The following FAM120B variants were observed in gnomAD, a reference collection of about 807,000 sequenced individuals.
FAM120B encodes the protein family with sequence similarity 120 member B, also known as constitutive coactivator of peroxisome proliferator-activated receptor gamma.
FAM120B carries 83 observed loss-of-function variants against 96.3 expected under a neutral mutation model. The observed-to-expected ratio is 0.86, with a 90% CI of 0.72 to 1.03. FAM120B has a LOEUF of 1.03. Ranked by LOEUF, FAM120B falls within the 50% of genes least tolerant of loss-of-function variation. The pLI is 0.00. For missense variants in FAM120B, 1,027 were observed against 1,121.2 expected (o/e 0.92, Z 1.20); for synonymous variants, 407 against 402.7 (o/e 1.01, Z -0.13).
At chr6:170,337,664 C>CT (rs922607324) in intron 4 of FAM120B, among the ~76,000 whole-genome samples, 17 of 151,774 alleles carry the variant, frequency 1.1e-4, no homozygotes, top group Non-Finnish European at 2.9e-5. Flanking sequence ...TGGTCCTGGG[C>CT]TTTTTTTTGG....
chr6:170,376,020 T>A, intron 6 of FAM120B, among the ~76,000 whole-genome samples: 1 of 152,100 alleles, frequency 6.6e-6, no homozygotes, highest in East Asian at 1.9e-4. Context: ...CTTGCCCAGA[T>A]ACACGGGGAG....
At chr6:170,340,845 T>C (rs956813507) in intron 4 of FAM120B, among the ~76,000 whole-genome samples, 4 of 152,208 alleles carry the variant, frequency 2.6e-5, no homozygotes, top group African/African-American at 9.6e-5. Flanking sequence ...TGCTGCCTGC[T>C]CCTTCCTGTG....
At chr6:170,322,220 G>T (rs1359665477) in intron 2 of FAM120B, among the ~76,000 whole-genome samples, 1 of 152,228 alleles carries the variant, frequency 6.6e-6, no homozygotes, top group African/African-American at 2.4e-5. Context: ...TTTTCACTCA[G>T]TAAACAATTT....
At chr6:170,365,925 C>T (rs1160915354) in intron 6 of FAM120B, among the ~76,000 whole-genome samples, 1 of 152,122 alleles carries the variant, frequency 6.6e-6, no homozygotes, top group Admixed American at 6.5e-5. Context: ...GTGACAGGCT[C>T]AGCAGGTGTT....
chr6:170,353,845 C>T (rs892774433), intron 5 of FAM120B, among the ~76,000 whole-genome samples: 46 of 152,154 alleles, frequency 3.0e-4, no homozygotes, highest in Admixed American at 5.2e-4. Flanking sequence ...GGCCATATGG[C>T]CCAAAGTAAT....
intron 5 of FAM120B, 85 bp from the exon 6 acceptor site, chr6:170,358,141 C>T (rs1225143339): frequency 2.5e-6 from 3 of 1,197,444 alleles, no homozygotes; most frequent in African/African-American, 1.5e-5. Context: ...TATACACACA[C>T]TCATAGTTAA....
chr6:170,304,126 C>A (rs1784202837), upstream of FAM120B, among the ~76,000 whole-genome samples: 1 of 152,232 alleles, frequency 6.6e-6, no homozygotes, highest in Admixed American at 6.5e-5. Flanking sequence ...AGAAGAATAT[C>A]CTCCAGTAGC....
chr6:170,334,924 G>A (rs1786309815), intron 4 of FAM120B, among the ~76,000 whole-genome samples: 1 of 151,872 alleles, frequency 6.6e-6, no homozygotes, highest in Non-Finnish European at 1.5e-5. Context: ...AGATGTAAAT[G>A]TATTCTGTTT....
chr6:170,352,512 G>T (rs1361481827), intron 5 of FAM120B, among the ~76,000 whole-genome samples: 1 of 152,118 alleles, frequency 6.6e-6, no homozygotes, highest in African/African-American at 2.4e-5. Context: ...CTCTAAAATG[G>T]ATCACATAAT....
intron 6 of FAM120B, among the ~76,000 whole-genome samples, chr6:170,379,145 G>A (rs541494927): frequency 1.3e-5 from 2 of 152,340 alleles, no homozygotes; most frequent in South Asian, 4.1e-4. Context: ...AGGCTATAGT[G>A]CAGGGGTCCT....
chr6:170,361,300 GATT>G (rs1788446298), intron 6 of FAM120B, among the ~76,000 whole-genome samples: 1 of 139,794 alleles, frequency 7.2e-6, no homozygotes. Flanking sequence ...TAGGTGACTG[GATT>G]ATATGTGTAA....
chr6:170,302,668 C>T (rs113702586), upstream of FAM120B, among the ~76,000 whole-genome samples: 18 of 152,312 alleles, frequency 1.2e-4, no homozygotes, highest in African/African-American at 3.6e-4. Flanking sequence ...CCCCCAAATT[C>T]GCTCTACAGT....
Position 170,344,270 on chromosome 6 carries a change from A to G in FAM120B, c.2018-3881A>G, listed in dbSNP as rs529125638. On this transcript the variant is annotated intron_variant, in intron 4 of 10. Transcript: ENST00000476287. ...CTTGGAAGAACGGATGAAATCGTTCAGTCCATTCACCTGCACCGTTGCCTG... is the reference window on the plus strand; with the variant it reads ...CTTGGAAGAACGGATGAAATCGTTCGGTCCATTCACCTGCACCGTTGCCTG... Among the ~76,000 whole-genome samples the G allele has an allele frequency of 4.8e-5, 5 of 103,604 alleles. No individual in the cohort carries two copies. The South Asian group carries it at 2.1e-3, about 43-fold the overall frequency. The allele number at this position is 103,604 out of a possible 152,430, so 68.0% of individuals were successfully genotyped here. A position where few individuals can be genotyped will look rare whatever the true frequency, so the allele number is the denominator to read the frequency against.
intron 1 of FAM120B, among the ~76,000 whole-genome samples, chr6:170,308,678 G>C (rs1784425418): frequency 6.6e-6 from 1 of 152,142 alleles, no homozygotes; most frequent in Non-Finnish European, 1.5e-5. Context: ...TTTCCAAATG[G>C]TATGTTTCAA....
chr6:170,365,900 CG>C (rs748403060), intron 6 of FAM120B, among the ~76,000 whole-genome samples: 41 of 152,244 alleles, frequency 2.7e-4, no homozygotes, highest in Admixed American at 3.9e-4. Context: ...CCATCACCAT[CG>C]GGTGGGGTGG....
intron 6 of FAM120B, among the ~76,000 whole-genome samples, chr6:170,358,900 A>C (rs1057463187): frequency 6.6e-6 from 1 of 152,190 alleles, no homozygotes; most frequent in East Asian, 1.9e-4. Context: ...GTGGCTGCAC[A>C]CTTGTGGACC....
intron 4 of FAM120B, among the ~76,000 whole-genome samples, chr6:170,331,182 A>G (rs1284018686): frequency 6.6e-6 from 1 of 152,198 alleles, no homozygotes; most frequent in Non-Finnish European, 1.5e-5. Context: ...CAGGTCAGGA[A>G]TGTACAAGTG....
At chr6:170,320,765 T>C in intron 2 of FAM120B, among the ~76,000 whole-genome samples, 1 of 152,166 alleles carries the variant, frequency 6.6e-6, no homozygotes, top group East Asian at 1.9e-4. Context: ...TGATGTGGGA[T>C]GGAGACTTAA....
At chr6:170,299,658 T>C (rs1340023790) in intron 1 of FAM120B, among the ~76,000 whole-genome samples, 2 of 152,282 alleles carry the variant, frequency 1.3e-5, no homozygotes, top group African/African-American at 2.4e-5. Context: ...GGACCAGTTC[T>C]GTAGGAATTA....
Sources: gnomAD v4.1 joint callset for allele counts (sites outside exome capture counted in the v4.1 genomes callset) on GRCh38, gnomAD v4.1.1 for gene constraint, MANE v1.5 for transcripts, NCBI Gene and HGNC (gene_info 2026-07-23, HGNC 2026-07-21) for gene names.